The following LRRC61 variants were observed in gnomAD, a reference collection of about 807,000 sequenced individuals.
LRRC61 encodes the protein leucine rich repeat containing 61, also known as leucine-rich repeat-containing protein 61.
A neutral mutation model predicts 15.1 loss-of-function variants in LRRC61; 9 were observed. The observed-to-expected ratio is 0.60, with a 90% CI of 0.36 to 1.04. The LOEUF (loss-of-function observed/expected upper bound fraction) is 1.04. Ranked by LOEUF, LRRC61 falls within the 50% of genes least tolerant of loss-of-function variation. The pLI is 0.01. For missense variants in LRRC61, 344 were observed against 335.6 expected, an observed-to-expected ratio of 1.03 and a Z score of -0.20; for synonymous variants, 173 against 158.6, an observed-to-expected ratio of 1.09 and a Z score of -0.68.
In LRRC61 at chr7:150,336,728, G is replaced by A; in HGVS notation, c.-134G>A. ...ACTGTCTCTCCTCAGGGACTGGCTG[G>A]CTTCGAGCAGGGCATCGGAACCAGG... On this transcript the variant is annotated 5_prime_UTR_variant, in exon 3 of 3. Coordinates refer to ENST00000359623, the MANE Select transcript of LRRC61 (RefSeq NM_001142928.2). The A allele has an allele frequency of 9.0e-6, 11 of 1,223,406 alleles. No homozygotes were observed. The South Asian group carries it at 1.3e-4, about 15-fold the overall frequency. 75.8% of individuals were successfully genotyped at this position (1,223,406 alleles called of 1,614,324 possible).
At chr7:150,316,144 C>T in the LRRC61 span, among the ~76,000 whole-genome samples, 2 of 152,170 alleles carry the variant, frequency 1.3e-5, no homozygotes, top group African/African-American at 4.8e-5. Flanking sequence ...TTGCAGTGAG[C>T]CGAGATCACG....
rs1585050205 is a variant in LRRC61 at position 150,336,808 on chromosome 7, G to C, written c.-54G>C. 2 of 1,552,856 alleles carry C rather than the reference G, an allele frequency of 1.3e-6. No homozygotes were observed. The highest frequency in any genetic ancestry group is 4.5e-5 in the East Asian group (2 of 44,348). On this transcript the variant is annotated 5_prime_UTR_variant, in exon 3 of 3. Transcript: ENST00000359623. ...GGCGAGCACCAGCTGACCCCCAGTGGAACCCTGTGACAGTCCTGCCAGGGC... is the reference window on the plus strand; with the variant it reads ...GGCGAGCACCAGCTGACCCCCAGTGCAACCCTGTGACAGTCCTGCCAGGGC...
At position 150,337,522 on chromosome 7, in the gene LRRC61, C is replaced by T. The variant is rs376663448; in HGVS notation, c.661C>T (p.Arg221Trp). The T allele has an allele frequency of 1.7e-5, 28 of 1,603,490 alleles. No homozygotes were observed. Among genetic ancestry groups the T allele is most frequent in the East Asian group, 6.7e-5 (3 of 44,828 alleles). ...RSSSILEEAC[R>W]QFQDTLQECW... ...CAGCTCCATCCTGGAGGAGGCCTGC[C>T]GGCAGTTCCAGGACACACTGCAGGA... is the stretch of plus-strand genomic sequence containing the variant. The change falls in exon 3 of 3, where the codon CGG (arginine) becomes TGG (tryptophan). Residue 221 changes from arginine (R) to tryptophan (W), a missense_variant. Coordinates refer to ENST00000359623, the MANE Select transcript of LRRC61 (RefSeq NM_001142928.2).
rs1218684572 is a variant in LRRC61, at chr7:150,337,561, G to A, written c.700G>A (p.Asp234Asn). The A allele has an allele frequency of 5.0e-6, 8 of 1,594,072 alleles. No homozygotes were observed. The highest frequency in any genetic ancestry group is 4.4e-5 in the South Asian group (4 of 89,896). ...CACACTGCAGGAGTGCTGGGACCTG[G>A]ACCGCCAGGCCAGCGACAGCCTGGC... is the stretch of plus-strand genomic sequence containing the variant. The part of the protein sequence containing the change: ...QDTLQECWDL[D>N]RQASDSLAQA... Residue 234 changes from aspartate (D) to asparagine (N), a missense_variant, in exon 3 of 3, where the codon GAC (aspartate) becomes AAC (asparagine). By Grantham distance (23) the Asp-to-Asn change is conservative. Coordinates refer to ENST00000359623, the MANE Select transcript of LRRC61 (RefSeq NM_001142928.2).
At chr7:150,328,010 G>T (rs984917234) in intron 2 of LRRC61, among the ~76,000 whole-genome samples, 1 of 152,138 alleles carries the variant, frequency 6.6e-6, no homozygotes, top group Non-Finnish European at 1.5e-5. Context: ...TTAAGTGTTT[G>T]GGGTGAACCA....
At chr7:150,334,934 A>G (rs1481007159) in intron 2 of LRRC61, among the ~76,000 whole-genome samples, 1 of 151,902 alleles carries the variant, frequency 6.6e-6, no homozygotes, top group Non-Finnish European at 1.5e-5. Context: ...AGGCAGGAGA[A>G]TCGCTTGAAC....
the LRRC61 span, among the ~76,000 whole-genome samples, chr7:150,313,857 G>A: frequency 1.3e-5 from 2 of 152,214 alleles, no homozygotes; most frequent in South Asian, 4.1e-4. Flanking sequence ...CCTGCCTGGA[G>A]CCTGGAAAGC....
At chr7:150,311,401 C>T in the LRRC61 span, among the ~76,000 whole-genome samples, 2 of 152,154 alleles carry the variant, frequency 1.3e-5, no homozygotes, top group Non-Finnish European at 2.9e-5. Flanking sequence ...CGTCTAGAGG[C>T]CCTCACAATC....
the LRRC61 span, among the ~76,000 whole-genome samples, chr7:150,316,254 A>G: frequency 6.6e-6 from 1 of 152,196 alleles, no homozygotes; most frequent in Admixed American, 6.5e-5. Flanking sequence ...TGGATGTACC[A>G]TACTTTCTTT....
intron 1 of LRRC61, 180 bp downstream of exon 1, chr7:150,323,740 C>T (rs1320924024): frequency 4.4e-6 from 2 of 453,788 alleles, no homozygotes; most frequent in South Asian, 1.6e-5. Context: ...GAGAACTGCC[C>T]TGAAATACTG....
Position 150,330,841 on chromosome 7 carries a change from G to A in LRRC61, c.-145+4831G>A, listed in dbSNP as rs749453935. On this transcript the variant is annotated intron_variant, in intron 2 of 2. Coordinates refer to ENST00000359623, the MANE Select transcript of LRRC61 (RefSeq NM_001142928.2). This position sits in a 1 kb window ranked among gnomAD's most constrained non-coding sequence, Gnocchi z 4.6. ...AAGAGCTCCGGGGTGGAGGGGAGAAGCCAGGGGGAGCCTCTGCAGAGCAGC... is the reference window on the plus strand; with the variant it reads ...AAGAGCTCCGGGGTGGAGGGGAGAAACCAGGGGGAGCCTCTGCAGAGCAGC... 7 of 1,608,602 alleles carry A rather than the reference G, an allele frequency of 4.4e-6. No homozygotes were observed. The South Asian group carries it at 7.7e-5, about 18-fold the overall frequency.
At chr7:150,332,122 T>G (rs1798126802) in intron 2 of LRRC61, 1 of 167,144 alleles carries the variant, frequency 6.0e-6, no homozygotes, top group South Asian at 2.1e-4. Context: ...CTGCTTGTCC[T>G]GGACCACTTT....
intron 1 of LRRC61, chr7:150,324,241 T>C (rs900610218): frequency 1.3e-5 from 2 of 157,226 alleles, no homozygotes; most frequent in African/African-American, 4.8e-5. Flanking sequence ...GAGTAGACAC[T>C]CTGTCCCCCT....
chr7:150,332,690 C>T (rs756387208), intron 2 of LRRC61: 3 of 167,086 alleles, frequency 1.8e-5, no homozygotes, highest in Non-Finnish European at 4.4e-5. Flanking sequence ...ATAATAATTG[C>T]ACCTGTTAAA....
At position 150,337,681 on chromosome 7, in the gene LRRC61, GCTGCCCCCAGTTCCCCTCT is replaced by G; in HGVS notation, c.*50_*68del. 2 of 1,509,776 alleles carry G rather than the reference GCTGCCCCCAGTTCCCCTCT, an allele frequency of 1.3e-6. No homozygotes were observed. Among genetic ancestry groups the G allele is most frequent in the Non-Finnish European group, 1.8e-6 (2 of 1,131,120 alleles). The allele number at this position is 1,509,776 out of a possible 1,614,324, so 93.5% of individuals were successfully genotyped here. ...CCAGGACAGCCTGGCAGGTGGCCTC[GCTGCCCCCAGTTCCCCTCT>G]CTGCCCCCACACTCGTCTTAGTTGC... On this transcript the variant is annotated 3_prime_UTR_variant, in exon 3 of 3. Coordinates refer to ENST00000359623, the MANE Select transcript of LRRC61 (RefSeq NM_001142928.2).
chr7:150,327,776 T>G (rs1156362077), intron 2 of LRRC61, among the ~76,000 whole-genome samples: 1 of 146,536 alleles, frequency 6.8e-6, no homozygotes, highest in East Asian at 2.0e-4. Flanking sequence ...GCCAAGATTG[T>G]ACCACTCCAC....
intron 2 of LRRC61, chr7:150,331,344 C>T (rs1798103976): frequency 2.0e-6 from 1 of 507,586 alleles, no homozygotes; most frequent in Admixed American, 3.5e-5. Flanking sequence ...CTCACCCTGC[C>T]CGTGAACTCC....
the LRRC61 span, among the ~76,000 whole-genome samples, chr7:150,312,749 C>T: frequency 0.28 from 41,859 of 151,950 alleles, 5,929 homozygotes; most frequent in East Asian, 0.43. Flanking sequence ...CCCATAATCC[C>T]CAGAAAAAAC....
At chr7:150,322,351 G>A (rs749395187), upstream of LRRC61, among the ~76,000 whole-genome samples, 202 of 152,384 alleles carry the variant, frequency 1.3e-3, 2 homozygotes, top group Non-Finnish European at 2.3e-3. Context: ...TACAGACCTT[G>A]CTGATAAAAC....
Sources: gnomAD v4.1 joint callset for allele counts (sites outside exome capture counted in the v4.1 genomes callset) on GRCh38, gnomAD v4.1.1 for gene constraint, Gnocchi (gnomAD v3.1) non-coding constraint, MANE v1.5 for transcripts, NCBI Gene and HGNC (gene_info 2026-07-23, HGNC 2026-07-21) for gene names.